CDH19: variants seen among roughly 807,000 people sequenced by gnomAD.
CDH19 encodes cadherin 19, also known as cadherin-19.
In CDH19, 67 loss-of-function variants were observed where a neutral mutation model predicts 64.2. The ratio of observed to expected loss-of-function variants is 1.04; its 90% confidence interval spans 0.86 to 1.28. CDH19 has a LOEUF of 1.28. Among genes scored for constraint, CDH19 ranks in the 50% most tolerant of loss-of-function variants. CDH19 has a pLI of 0.00. For synonymous variants in CDH19, 346 were observed against 319.3 expected, an observed-to-expected ratio of 1.08 and a Z score of -0.89; for missense variants, 1,030 against 929.0, an observed-to-expected ratio of 1.11 and a Z score of -1.41.
intron 8 of CDH19, among the ~76,000 whole-genome samples, chr18:66,533,272 A>G (rs556645407): frequency 1.1e-4 from 16 of 152,000 alleles, no homozygotes; most frequent in African/African-American, 3.9e-4. Flanking sequence ...AGCAACTATT[A>G]GTATTTATCA....
At chr18:66,583,446 C>T (rs993320410) in intron 1 of CDH19, among the ~76,000 whole-genome samples, 5 of 151,988 alleles carry the variant, frequency 3.3e-5, no homozygotes, top group African/African-American at 4.8e-5. Context: ...TCAGGTACTA[C>T]GCCTAGTACC....
At chr18:66,585,818 C>G (rs1401651265) in intron 1 of CDH19, among the ~76,000 whole-genome samples, 1 of 151,580 alleles carries the variant, frequency 6.6e-6, no homozygotes, top group African/African-American at 2.4e-5. Context: ...TATTTTTTTT[C>G]TAAGCATGGT....
At chr18:66,516,290 A>T (rs1985732778) in intron 9 of CDH19, among the ~76,000 whole-genome samples, 1 of 151,990 alleles carries the variant, frequency 6.6e-6, no homozygotes, top group African/African-American at 2.4e-5. Context: ...AAGTCTGGAA[A>T]TAGAGAATCT....
intron 9 of CDH19, among the ~76,000 whole-genome samples, chr18:66,516,478 C>T (rs1164446658): frequency 6.6e-6 from 1 of 151,912 alleles, no homozygotes; most frequent in Non-Finnish European, 1.5e-5. Flanking sequence ...CAGTATGCTT[C>T]AAATAGAGAT....
rs994703080 is a variant in CDH19, at chr18:66,502,384, T to G, written c.*2428A>C. The G allele has an allele frequency of 6.6e-6, 1 of 152,044 alleles. No individual in the cohort carries two copies. Among genetic ancestry groups the G allele is most frequent in the African/African-American group, 2.4e-5 (1 of 41,450 alleles). 9.4% of individuals were successfully genotyped at this position (152,044 alleles called of 1,614,324 possible). Reference sequence around the variant, plus strand: ...TGCCACTGGACACAAGTATTAAAACTATTTGTACAGGTATTCCATTAATGT... The same window carrying G: ...TGCCACTGGACACAAGTATTAAAACGATTTGTACAGGTATTCCATTAATGT... On this transcript the variant is annotated 3_prime_UTR_variant, in exon 12 of 12. Coordinates refer to ENST00000262150, the MANE Select transcript of CDH19 (RefSeq NM_021153.4).
At chr18:66,579,773 A>C (rs919278420) in intron 1 of CDH19, among the ~76,000 whole-genome samples, 11 of 152,056 alleles carry the variant, frequency 7.2e-5, no homozygotes, top group Admixed American at 2.6e-4. Context: ...ATAAGGTATA[A>C]TACATACTAA....
At chr18:66,572,650 C>T (rs934391391) in intron 1 of CDH19, among the ~76,000 whole-genome samples, 2 of 151,646 alleles carry the variant, frequency 1.3e-5, no homozygotes, top group Admixed American at 6.6e-5. Flanking sequence ...TCCATTCTTT[C>T]TCAGTAAAAT....
At chr18:66,564,190 C>T (rs951853261) in intron 3 of CDH19, among the ~76,000 whole-genome samples, 1 of 151,508 alleles carries the variant, frequency 6.6e-6, no homozygotes, top group East Asian at 1.9e-4. Flanking sequence ...CATATTGTAC[C>T]ATATTGTTGA....
intron 7 of CDH19, among the ~76,000 whole-genome samples, chr18:66,542,036 C>G (rs1388317835): frequency 6.6e-6 from 1 of 152,126 alleles, no homozygotes; most frequent in Non-Finnish European, 1.5e-5. Flanking sequence ...CTAAAATTAA[C>G]AGTTTTCAAT....
chr18:66,573,739 T>C (rs531169341), intron 1 of CDH19, among the ~76,000 whole-genome samples: 7 of 151,610 alleles, frequency 4.6e-5, no homozygotes, highest in Non-Finnish European at 8.9e-5. Flanking sequence ...TTTTGATACA[T>C]ATAAAGATAA....
chr18:66,542,370 A>T (rs1367862895), intron 7 of CDH19, among the ~76,000 whole-genome samples: 1 of 152,140 alleles, frequency 6.6e-6, no homozygotes, highest in Non-Finnish European at 1.5e-5. Context: ...TAGCATTTTA[A>T]TTAATATATG....
chr18:66,524,909 T>C (rs992695242), intron 9 of CDH19, among the ~76,000 whole-genome samples: 3 of 152,142 alleles, frequency 2.0e-5, no homozygotes, highest in Non-Finnish European at 4.4e-5. Context: ...TATCATTTTC[T>C]CATTCTAAGG....
chr18:66,530,567 A>C (rs1409236221), intron 8 of CDH19, among the ~76,000 whole-genome samples: 1 of 152,126 alleles, frequency 6.6e-6, no homozygotes, highest in Non-Finnish European at 1.5e-5. Context: ...CATTGAATTG[A>C]GAAGATTTTC....
At chr18:66,523,613 G>T (rs1986086482) in intron 9 of CDH19, among the ~76,000 whole-genome samples, 1 of 151,806 alleles carries the variant, frequency 6.6e-6, no homozygotes, top group African/African-American at 2.4e-5. Flanking sequence ...ACACTCGGTG[G>T]GGGTGGGGGG....
intron 9 of CDH19, among the ~76,000 whole-genome samples, chr18:66,522,047 C>T (rs950255987): frequency 6.7e-6 from 1 of 150,070 alleles, no homozygotes; most frequent in South Asian, 2.1e-4. Context: ...CCCGGGTTCA[C>T]GCCATTCTCC....
In CDH19 at chr18:66,502,408, GTGC is replaced by G. The variant is rs1230207545; in HGVS notation, c.*2401_*2403del. On this transcript the variant is annotated 3_prime_UTR_variant, in exon 12 of 12. Transcript: ENST00000262150. ...CTATTTGTACAGGTATTCCATTAAT[GTGC>G]ATTTTAATGAGTTGTTTATCCAAAT... The G allele has an allele frequency of 6.6e-6, 1 of 151,950 alleles. No individual in the cohort carries two copies. The highest frequency in any genetic ancestry group is 1.5e-5 in the Non-Finnish European group (1 of 67,928). 9.4% of individuals were successfully genotyped at this position (151,950 alleles called of 1,614,324 possible).
intron 5 of CDH19, among the ~76,000 whole-genome samples, chr18:66,549,894 G>A (rs571264392): frequency 6.6e-6 from 1 of 152,016 alleles, no homozygotes; most frequent in Non-Finnish European, 1.5e-5. Context: ...GCTTATTCAT[G>A]GACTCAACTA....
intron 2 of CDH19, among the ~76,000 whole-genome samples, chr18:66,571,405 T>C (rs549604299): frequency 2.6e-4 from 40 of 151,716 alleles, no homozygotes; most frequent in Non-Finnish European, 5.8e-4. Flanking sequence ...AAGGACATGA[T>C]ATTGTAATCA....
chr18:66,602,460 T>C (rs1989060539), intron 1 of CDH19, among the ~76,000 whole-genome samples: 1 of 151,908 alleles, frequency 6.6e-6, no homozygotes, highest in African/African-American at 2.4e-5. Flanking sequence ...AATCAAAAAT[T>C]TTTTTATGTT....
Sources: gnomAD v4.1 joint callset for allele counts (sites outside exome capture counted in the v4.1 genomes callset) on GRCh38, gnomAD v4.1.1 for gene constraint, MANE v1.5 for transcripts, NCBI Gene and HGNC (gene_info 2026-07-23, HGNC 2026-07-21) for gene names.